The following CAPN14 variants were observed in gnomAD, a reference collection of about 807,000 sequenced individuals.
CAPN14 encodes calpain 14, also known as calpain-14.
In CAPN14, 94 loss-of-function variants were observed where a neutral mutation model predicts 101.3. The ratio of observed to expected loss-of-function variants is 0.93; its 90% CI spans 0.79 to 1.10. The LOEUF is 1.10. Among genes scored for constraint, CAPN14 ranks in the 50% least tolerant of loss-of-function variants. The pLI is 0.00. For missense variants in CAPN14, 837 were observed against 828.4 expected (o/e 1.01, Z -0.13); for synonymous variants, 338 against 317.9 (o/e 1.06, Z -0.67).
chr2:31,179,019 C>T (rs1680451612), intron 17 of CAPN14, among the ~76,000 whole-genome samples: 1 of 148,408 alleles, frequency 6.7e-6, no homozygotes, highest in Non-Finnish European at 1.5e-5. Context: ...CTCTTCCTTT[C>T]ACGCCTACTT....
chr2:31,220,671 C>T (rs575124953), upstream of CAPN14, among the ~76,000 whole-genome samples: 5 of 152,288 alleles, frequency 3.3e-5, no homozygotes, highest in East Asian at 5.8e-4. Flanking sequence ...TCTACTAAAA[C>T]TGCACAAATT....
In CAPN14 at chr2:31,189,265, GTCCTTACTAAAAGATGTGCT is replaced by G. The variant is rs1681057757; in HGVS notation, c.1481_1493+7del. On this transcript the variant is annotated splice_donor_variant and splice_donor_5th_base_variant and coding_sequence_variant and intron_variant, in exon 13 of 22. Coordinates refer to ENST00000403897, the MANE Select transcript of CAPN14 (RefSeq NM_001145122.2). LOFTEE classifies it high-confidence loss of function. ...CCCCACCCTCTAGGAGAGACCTTGT[GTCCTTACTAAAAGATGTGCT>G]TCCTGGAGAAGACCCTGAGGACGAA... 1 of 1,550,314 alleles carries G rather than the reference GTCCTTACTAAAAGATGTGCT, an allele frequency of 6.5e-7. No individual in the cohort carries two copies. The highest frequency in any genetic ancestry group is 8.7e-7 in the Non-Finnish European group (1 of 1,146,806).
chr2:31,178,153 G>A (rs1292550055), intron 18 of CAPN14, among the ~76,000 whole-genome samples: 1 of 152,232 alleles, frequency 6.6e-6, no homozygotes, highest in Non-Finnish European at 1.5e-5. Context: ...AAGTGGGAGA[G>A]TTGTGAGTTG....
Position 31,193,167 on chromosome 2 carries a change from G to T in CAPN14, c.1078C>A (p.Arg360=), listed in dbSNP as rs369874328. ...TGCCTCTGGCCACCAGCTGTGCTCC[G>T]CTTCTCCCATCTCCCCTCCCGCATG... The part of the protein sequence containing the change: ...YTMREGRWEK[R]STAGGQRQLL... Residue 360 remains arginine (R), a synonymous_variant, in exon 10 of 22, where the codon CGG becomes AGG. Transcript: ENST00000403897. The T allele has an allele frequency of 1.3e-6, 2 of 1,551,208 alleles. No homozygotes were observed. Among genetic ancestry groups the T allele is most frequent in the Non-Finnish European group, 8.7e-7 (1 of 1,146,956 alleles).
chr2:31,203,234 T>C, intron 2 of CAPN14, 95 bp from the exon 3 acceptor site: 3 of 900,250 alleles, frequency 3.3e-6, no homozygotes, highest in African/African-American at 1.7e-5. Context: ...AAACTGTACT[T>C]ATGGGGACAA....
chr2:31,216,206 C>A (rs1682636283), intron 1 of CAPN14, among the ~76,000 whole-genome samples: 2 of 152,156 alleles, frequency 1.3e-5, no homozygotes, highest in Admixed American at 1.3e-4. Flanking sequence ...ACATAACTTT[C>A]AAAAGTGACA....
At position 31,178,538 on chromosome 2, in the gene CAPN14, G is replaced by T. The variant is rs1680427068; in HGVS notation, c.1752C>A (p.Asp584Glu). The change falls in exon 18 of 22, where the codon GAC becomes GAA. Residue 584 changes from aspartate to glutamate, a missense_variant. Coordinates refer to ENST00000403897, the MANE Select transcript of CAPN14 (RefSeq NM_001145122.2). ...SGTMSIQEFR[D>E]LWKQLKLSQK... ...GAGAGAGCTTCAGCTGCTTCCACAG[G>T]TCCCTGAATTCCTGGATGCTCATAG... The T allele has an allele frequency of 1.9e-6, 3 of 1,549,700 alleles. No homozygotes were observed. In the African/African-American group the frequency reaches 4.1e-5, roughly 21 times the overall value.
At chr2:31,216,213 G>A (rs1452977562) in intron 1 of CAPN14, among the ~76,000 whole-genome samples, 10 of 152,136 alleles carry the variant, frequency 6.6e-5, no homozygotes, top group Non-Finnish European at 1.2e-4. Flanking sequence ...TTTCAAAAGT[G>A]ACAAAACCAA....
Position 31,192,076 on chromosome 2 carries a change from C to A in CAPN14, c.1137G>T (p.Gln379His). ...CGGGCCTCCAGACAGACAGCAGGAA[C>A]TGCGGGTTCTTCCAAAATGTGTCTG... The part of the protein sequence containing the change: ...LLQDTFWKNP[Q>H]FLLSVWRPEE... Residue 379 changes from glutamine (Q) to histidine (H), a missense_variant, in exon 11 of 22, where the codon CAG (glutamine) becomes CAT (histidine). Coordinates refer to ENST00000403897, the MANE Select transcript of CAPN14 (RefSeq NM_001145122.2). 6.5e-7 allele frequency: 1 copy of A among 1,549,680 alleles called. No homozygotes were observed. The highest frequency in any genetic ancestry group is 1.4e-5 in the African/African-American group (1 of 73,088).
At chr2:31,213,327 T>G (rs906860851) in intron 1 of CAPN14, among the ~76,000 whole-genome samples, 11 of 152,176 alleles carry the variant, frequency 7.2e-5, no homozygotes, top group Non-Finnish European at 1.3e-4. Flanking sequence ...AAAGTAGGAG[T>G]TGGCAAACTA....
At chr2:31,187,930 A>T (rs1335722926) in intron 14 of CAPN14, 116 bp from the exon 15 acceptor site, 1 of 820,918 alleles carries the variant, frequency 1.2e-6, no homozygotes, top group Non-Finnish European at 1.9e-6. Flanking sequence ...TTGACTTTGC[A>T]TCGTCTTTAA....
chr2:31,201,198 T>TGC (rs1681758188), intron 5 of CAPN14, among the ~76,000 whole-genome samples: 2 of 123,712 alleles, frequency 1.6e-5, no homozygotes, highest in African/African-American at 5.5e-5. Context: ...TGTGTGTGCA[T>TGC]GTGTGTGTGT....
chr2:31,217,019 C>T (rs72859375), intron 1 of CAPN14, among the ~76,000 whole-genome samples: 7,878 of 152,218 alleles, frequency 0.052, 331 homozygotes, highest in African/African-American at 0.11. Context: ...TCCCATAAGG[C>T]CTCAGTGATA....
chr2:31,178,822 G>A (rs1038151188), intron 17 of CAPN14, among the ~76,000 whole-genome samples: 3 of 152,070 alleles, frequency 2.0e-5, no homozygotes, highest in Admixed American at 2.0e-4. Flanking sequence ...GATGATGATG[G>A]AGGTGATGAT....
intron 1 of CAPN14, among the ~76,000 whole-genome samples, chr2:31,205,864 G>A (rs1179293522): frequency 6.6e-6 from 1 of 151,982 alleles, no homozygotes; most frequent in East Asian, 1.9e-4. Flanking sequence ...GGGCCGGAGG[G>A]TCCTGTGCCT....
chr2:31,200,245 TC>T (rs1423371296), intron 6 of CAPN14, among the ~76,000 whole-genome samples: 3 of 152,120 alleles, frequency 2.0e-5, no homozygotes, highest in Non-Finnish European at 4.4e-5. Context: ...CCCCAGGTGA[TC>T]CGCCCACCTG....
chr2:31,197,400 G>T, intron 7 of CAPN14, 66 bp from the exon 8 acceptor site: 3 of 1,128,358 alleles, frequency 2.7e-6, no homozygotes, highest in Non-Finnish European at 3.9e-6. Context: ...ATCTGAGTGA[G>T]ACTCGGGCCT....
At position 31,194,422 on chromosome 2, in the gene CAPN14, C is replaced by G; in HGVS notation, c.937G>C (p.Asp313His). The G allele has an allele frequency of 6.4e-7, 1 of 1,551,274 alleles. No homozygotes were observed. Among genetic ancestry groups the G allele is most frequent in the East Asian group, 2.4e-5 (1 of 40,910 alleles). ...TAAGTCCAATACCAGAATTCTCCGT[C>G]ATTGTCTTTCCTCAGAAGCAGAATC... ...EKILLLRKDN[D>H]GEFWMTLQDF... Residue 313 changes from aspartate to histidine, a missense_variant, in exon 9 of 22, where the codon GAC becomes CAC. Transcript: ENST00000403897.
intron 1 of CAPN14, among the ~76,000 whole-genome samples, chr2:31,212,102 G>C (rs552491214): frequency 2.4e-4 from 37 of 152,226 alleles, no homozygotes; most frequent in African/African-American, 8.9e-4. Context: ...TTGAGGTCAA[G>C]AGTTCAAGAC....
Sources: allele counts gnomAD v4.1 joint callset (sites outside exome capture counted in the v4.1 genomes callset), GRCh38; gene constraint gnomAD v4.1.1; transcripts MANE v1.5; gene names NCBI Gene and HGNC (gene_info 2026-07-23, HGNC 2026-07-21).